Variants in TUSC3 observed in about 807,000 individuals in gnomAD.
TUSC3 encodes the protein dolichyl-diphosphooligosaccharide--protein glycosyltransferase subunit TUSC3.
Under a neutral mutation model 44.8 loss-of-function variants are expected in TUSC3, and 45 were observed. That is an observed-to-expected ratio of 1.00 (90% CI 0.79 to 1.29). The LOEUF (loss-of-function observed/expected upper bound fraction) is 1.29, where lower values mean the gene tolerates loss of function less well. Ranked by LOEUF, TUSC3 falls within the 50% of genes most tolerant of loss-of-function variation. The pLI is 0.00. For missense variants in TUSC3, 519 were observed against 437.9 expected, an observed-to-expected ratio of 1.19 and a Z score of -1.65; for synonymous variants, 212 against 152.9, an observed-to-expected ratio of 1.39 and a Z score of -2.85.
intron 6 of TUSC3, among the ~76,000 whole-genome samples, chr8:15,728,885 G>A: frequency 6.6e-6 from 1 of 152,172 alleles, no homozygotes; most frequent in African/African-American, 2.4e-5. Flanking sequence ...TCAAGATTGG[G>A]GTCCTGGAAG....
the TUSC3 span, among the ~76,000 whole-genome samples, chr8:15,793,389 A>C: frequency 1.3e-5 from 2 of 152,196 alleles, no homozygotes; most frequent in African/African-American, 4.8e-5. Context: ...CCTTGCACAC[A>C]GCATAGCACA....
chr8:15,562,074 TG>T (rs1361412364), intron 1 of TUSC3, among the ~76,000 whole-genome samples: 6 of 152,210 alleles, frequency 3.9e-5, no homozygotes, highest in African/African-American at 1.4e-4. Context: ...AAGATGGAAA[TG>T]GAAAAACAGC....
At position 15,623,221 on chromosome 8, in the gene TUSC3, C is replaced by T. The variant is rs868472774; in HGVS notation, c.280C>T (p.Gln94Ter). The change falls in exon 2 of 11, where the codon CAG becomes TAG. Residue 94 changes from glutamine (Q) to a stop codon, truncating the protein, a stop_gained. Transcript: ENST00000503731. LOFTEE classifies it high-confidence loss of function. ...YSMIVMFTAL[Q>*]PQRQCSVCRQ... ...CATGATTGTTATGTTCACTGCTCTT[C>T]AGCCTCAGCGGCAGTGTTCTGTGTG... The T allele has an allele frequency of 2.5e-6, 4 of 1,610,620 alleles. No individual in the cohort carries two copies. Among genetic ancestry groups the T allele is most frequent in the Non-Finnish European group, 3.4e-6 (4 of 1,178,344 alleles).
the TUSC3 span, among the ~76,000 whole-genome samples, chr8:15,822,265 C>A: frequency 2.0e-5 from 3 of 151,968 alleles, no homozygotes; most frequent in African/African-American, 7.3e-5. Context: ...GTGGAGAGAT[C>A]AAATTAGCAG....
rs138877042 is a variant in TUSC3 at position 15,568,675 on chromosome 8, G to A, written c.138+28107G>A. ...TGCAGTGCAGTGGTATAATCTTAGC[G>A]CACTGCAACTTCCATCTGCCAGGTT... On this transcript the variant is annotated intron_variant, in intron 1 of 10. Transcript: ENST00000503731. Among the ~76,000 whole-genome samples, 685 of 148,792 alleles carry A rather than the reference G, an allele frequency of 4.6e-3. 5 individuals are homozygous for A. The highest frequency in any genetic ancestry group is 0.016 in the African/African-American group (650 of 40,316).
the TUSC3 span, among the ~76,000 whole-genome samples, chr8:15,824,963 A>G: frequency 6.6e-6 from 1 of 152,190 alleles, no homozygotes; most frequent in Non-Finnish European, 1.5e-5. Flanking sequence ...GACTCTCTAT[A>G]TAAACTAGAC....
At chr8:15,478,215 C>G (rs1373914808) in intron 1 of TUSC3, among the ~76,000 whole-genome samples, 1 of 152,198 alleles carries the variant, frequency 6.6e-6, no homozygotes, top group Non-Finnish European at 1.5e-5. Context: ...ATACACCTGC[C>G]TCAGCCTCCC....
At chr8:15,480,011 C>T (rs1351680181) in intron 1 of TUSC3, among the ~76,000 whole-genome samples, 1 of 152,076 alleles carries the variant, frequency 6.6e-6, no homozygotes, top group African/African-American at 2.4e-5. Flanking sequence ...TAGCAATAGA[C>T]AAGCAGAGAG....
intron 1 of TUSC3, among the ~76,000 whole-genome samples, chr8:15,547,223 G>A (rs192802367): frequency 2.0e-5 from 3 of 151,644 alleles, no homozygotes; most frequent in Non-Finnish European, 4.4e-5. Flanking sequence ...ATAAGTTGTA[G>A]CACTGATTTT....
chr8:15,590,254 C>T (rs1442611543), intron 1 of TUSC3, among the ~76,000 whole-genome samples: 1 of 152,096 alleles, frequency 6.6e-6, no homozygotes, highest in Non-Finnish European at 1.5e-5. Context: ...GTCTTTAAGT[C>T]TTTAATTTTG....
chr8:15,434,700 A>C (rs1310738273), intron 1 of TUSC3, among the ~76,000 whole-genome samples: 3 of 149,350 alleles, frequency 2.0e-5, no homozygotes, highest in African/African-American at 7.4e-5. Context: ...CCCACCCCAC[A>C]ACAGGCCCCG....
At chr8:15,777,109 CAAAG>C in the TUSC3 span, among the ~76,000 whole-genome samples, 3 of 152,190 alleles carry the variant, frequency 2.0e-5, no homozygotes, top group Middle Eastern at 3.4e-3. Flanking sequence ...GAACAGGAAA[CAAAG>C]AAGACTTTTC....
At chr8:15,636,200 A>G (rs1806066495) in intron 2 of TUSC3, among the ~76,000 whole-genome samples, 1 of 152,090 alleles carries the variant, frequency 6.6e-6, no homozygotes, top group African/African-American at 2.4e-5. Context: ...GTTAAGCACA[A>G]TCGGATTTCA....
the TUSC3 span, among the ~76,000 whole-genome samples, chr8:15,809,279 C>A: frequency 1.3e-5 from 2 of 152,166 alleles, no homozygotes; most frequent in African/African-American, 4.8e-5. Flanking sequence ...TTCCATAAAT[C>A]TTTAACAAAA....
chr8:15,743,503 A>G, intron 7 of TUSC3, 35 bp from the exon 8 acceptor site: 2 of 1,608,922 alleles, frequency 1.2e-6, no homozygotes, highest in East Asian at 2.2e-5. Context: ...TTTTATTCAC[A>G]TCTATGTCTA....
intron 1 of TUSC3, among the ~76,000 whole-genome samples, chr8:15,424,878 CAAAAAAA>C (rs67073442): frequency 7.4e-6 from 1 of 135,278 alleles, no homozygotes; most frequent in East Asian, 2.2e-4. Context: ...GACTCTGTCT[CAAAAAAA>C]AAAAAAGAAA....
At chr8:15,834,935 T>G in the TUSC3 span, among the ~76,000 whole-genome samples, 1 of 152,188 alleles carries the variant, frequency 6.6e-6, no homozygotes, top group African/African-American at 2.4e-5. Flanking sequence ...TCCCCAGGAC[T>G]GGTTGTGGGA....
intron 2 of TUSC3, among the ~76,000 whole-genome samples, chr8:15,638,815 T>C (rs1806216684): frequency 6.6e-6 from 1 of 152,178 alleles, no homozygotes; most frequent in South Asian, 2.1e-4. Flanking sequence ...CTTGAGCCAC[T>C]GTACCTGGCT....
the TUSC3 span, among the ~76,000 whole-genome samples, chr8:15,849,875 T>C: frequency 6.6e-6 from 1 of 151,976 alleles, no homozygotes; most frequent in African/African-American, 2.4e-5. Context: ...TGAGCTCCAG[T>C]GATCCGGAGC....
Sources: allele counts gnomAD v4.1 joint callset (sites outside exome capture counted in the v4.1 genomes callset), GRCh38; gene constraint gnomAD v4.1.1; transcripts MANE v1.5; gene names NCBI Gene and HGNC (gene_info 2026-07-23, HGNC 2026-07-21).